DRC8: variants seen among roughly 807,000 people sequenced by gnomAD.
The protein encoded by DRC8 is dynein regulatory complex subunit 8.
the DRC8 span, among the ~76,000 whole-genome samples, chr1:244,982,233 C>A: frequency 1.2e-4 from 18 of 152,116 alleles, no homozygotes; most frequent in African/African-American, 4.3e-4. Flanking sequence ...TGTCTGGCTT[C>A]CAACAAAAAA....
chr1:245,123,057 A>G, the DRC8 span: 116 of 152,248 alleles, frequency 7.6e-4, no homozygotes, highest in Admixed American at 7.5e-3. The surrounding 1 kb of genome is among the most constrained non-coding windows in gnomAD (Gnocchi z 5.0). Context: ...CCATGTTGTA[A>G]TGTATATCCT....
the DRC8 span, among the ~76,000 whole-genome samples, chr1:244,985,571 C>A: frequency 6.6e-6 from 1 of 152,124 alleles, no homozygotes; most frequent in Non-Finnish European, 1.5e-5. Context: ...TAAAGAGTTA[C>A]ATAATTATTG....
the DRC8 span, among the ~76,000 whole-genome samples, chr1:245,109,497 C>T: frequency 3.9e-4 from 60 of 152,330 alleles, no homozygotes; most frequent in African/African-American, 1.4e-3. Context: ...AAGACAAGCA[C>T]CCTCATGCCG....
At chr1:245,052,605 G>T in the DRC8 span, among the ~76,000 whole-genome samples, 2 of 152,244 alleles carry the variant, frequency 1.3e-5, no homozygotes, top group Non-Finnish European at 2.9e-5. Context: ...ACAGCAGGGA[G>T]CCTGAGGCAA....
At chr1:245,101,046 G>A in the DRC8 span, among the ~76,000 whole-genome samples, 2 of 151,948 alleles carry the variant, frequency 1.3e-5, no homozygotes. Flanking sequence ...CACCACGCCC[G>A]ACTAACTTTT....
the DRC8 span, among the ~76,000 whole-genome samples, chr1:245,101,857 C>T: frequency 0.06 from 9,153 of 152,100 alleles, 891 homozygotes; most frequent in African/African-American, 0.2. Flanking sequence ...CATTTTTGAA[C>T]AGTGGGAGCT....
At chr1:245,112,996 C>T in the DRC8 span, among the ~76,000 whole-genome samples, 2 of 152,018 alleles carry the variant, frequency 1.3e-5, no homozygotes, top group African/African-American at 2.4e-5. Context: ...TCAAGTGATC[C>T]ACCTGCCTCG....
the DRC8 span, among the ~76,000 whole-genome samples, chr1:245,099,909 G>A: frequency 2.6e-5 from 4 of 152,044 alleles, no homozygotes; most frequent in African/African-American, 7.3e-5. Context: ...CCTCCCCGCC[G>A]GCCATCAACT....
chr1:245,111,672 A>G, the DRC8 span, among the ~76,000 whole-genome samples: 1 of 152,156 alleles, frequency 6.6e-6, no homozygotes, highest in East Asian at 1.9e-4. Flanking sequence ...TGGCACCTGA[A>G]CCCACCTAAA....
the DRC8 span, among the ~76,000 whole-genome samples, chr1:245,010,004 G>A: frequency 6.6e-6 from 1 of 152,200 alleles, no homozygotes; most frequent in African/African-American, 2.4e-5. Flanking sequence ...GGGACTACAG[G>A]CGTGCGCCAC....
chr1:245,018,268 A>C, the DRC8 span, among the ~76,000 whole-genome samples: 3 of 150,958 alleles, frequency 2.0e-5, no homozygotes, highest in East Asian at 2.0e-4. Flanking sequence ...CCATCCTTTC[A>C]GGAGGCCGGG....
chr1:245,010,681 CTTTTTTTT>C, the DRC8 span, among the ~76,000 whole-genome samples: 2 of 127,232 alleles, frequency 1.6e-5, no homozygotes, highest in South Asian at 2.5e-4. Flanking sequence ...CTTTTTCTTT[CTTTTTTTT>C]TTTTTTTTTT....
At chr1:245,120,654 T>C in the DRC8 span, among the ~76,000 whole-genome samples, 3 of 152,246 alleles carry the variant, frequency 2.0e-5, no homozygotes, top group African/African-American at 7.2e-5. Context: ...CATTTTATTT[T>C]GGGTGTGTCT....
At chr1:245,037,213 C>A in the DRC8 span, among the ~76,000 whole-genome samples, 1 of 152,154 alleles carries the variant, frequency 6.6e-6, no homozygotes, top group East Asian at 1.9e-4. Flanking sequence ...ATTAAAAAAT[C>A]TTACAAAACA....
the DRC8 span, chr1:245,017,269 A>C: frequency 6.2e-7 from 1 of 1,610,354 alleles, no homozygotes; most frequent in Non-Finnish European, 8.5e-7. Context: ...TTTCACAAAA[A>C]AATCAAAGAG....
At chr1:245,006,970 A>ACAAC in the DRC8 span, among the ~76,000 whole-genome samples, 100 of 143,970 alleles carry the variant, frequency 6.9e-4, no homozygotes, top group East Asian at 2.7e-3. Flanking sequence ...AACAACAACA[A>ACAAC]AAAACCCCAG....
At chr1:245,124,181 T>C in the DRC8 span, 3 of 180,780 alleles carry the variant, frequency 1.7e-5, no homozygotes. Context: ...CCATGTGACA[T>C]GAAGTTGGTG....
the DRC8 span, chr1:245,059,297 A>G: frequency 5.6e-6 from 5 of 885,934 alleles, no homozygotes; most frequent in Middle Eastern, 2.7e-4. Flanking sequence ...GGTTTCCTAC[A>G]TTACAAAATA....
chr1:245,100,484 A>G, the DRC8 span, among the ~76,000 whole-genome samples: 1 of 152,030 alleles, frequency 6.6e-6, no homozygotes, highest in East Asian at 1.9e-4. Flanking sequence ...TGACCTTAAA[A>G]AAATACTATA....
Sources: gnomAD v4.1 joint callset for allele counts (sites outside exome capture counted in the v4.1 genomes callset) on GRCh38, gnomAD v4.1.1 for gene constraint, Gnocchi (gnomAD v3.1) non-coding constraint, MANE v1.5 for transcripts, NCBI Gene and HGNC (gene_info 2026-07-23, HGNC 2026-07-21) for gene names.